Variants in COL4A4 observed in about 807,000 individuals in gnomAD.
COL4A4 encodes the protein collagen alpha-4(IV) chain.
A neutral mutation model predicts 192.9 loss-of-function variants in COL4A4; 105 were observed. That is an observed-to-expected ratio of 0.54 (90% confidence interval 0.46 to 0.64). The LOEUF is 0.64. Ranked by LOEUF, COL4A4 falls within the 30% of genes least tolerant of loss-of-function variation. The probability of loss-of-function intolerance (pLI) is 0.00; values close to 1 mark genes in which losing one functional copy is unlikely to be tolerated. For synonymous variants in COL4A4, 762 were observed against 769.9 expected, an observed-to-expected ratio of 0.99 and a Z score of 0.17; for missense variants, 1,967 against 2,169.3, an observed-to-expected ratio of 0.91 and a Z score of 1.85.
intron 44 of COL4A4, among the ~76,000 whole-genome samples, chr2:227,017,562 G>A (rs1458431927): frequency 6.6e-6 from 1 of 152,216 alleles, no homozygotes; most frequent in Non-Finnish European, 1.5e-5. Context: ...TGAGTTCACT[G>A]TAGGAAGCTT....
intron 15 of COL4A4, 47 bp downstream of exon 15, chr2:227,102,742 G>C (rs1481805654): frequency 4.0e-6 from 6 of 1,516,744 alleles, no homozygotes; most frequent in Non-Finnish European, 5.5e-6. Context: ...AAACATGAAA[G>C]AGAAATATCT....
chr2:227,068,498 A>G (rs944549668), intron 25 of COL4A4, among the ~76,000 whole-genome samples: 1 of 152,232 alleles, frequency 6.6e-6, no homozygotes, highest in Non-Finnish European at 1.5e-5. Flanking sequence ...ATCCAGCAGC[A>G]CATCAAAAAG....
chr2:227,006,544 T>C lies in COL4A4; in HGVS notation c.*781A>G, dbSNP rs554710206. On this transcript the variant is annotated 3_prime_UTR_variant, in exon 48 of 48. Transcript: ENST00000396625. ...TAGCTTTTAGGCTCCTAATCTCTTA[T>C]TGAATATTTTTTTTCCATAATTGCT... The C allele has an allele frequency of 8.6e-6, 1 of 116,554 alleles. No individual in the cohort carries two copies. Among genetic ancestry groups the C allele is most frequent in the Non-Finnish European group, 1.8e-5 (1 of 57,100 alleles). The allele number at this position is 116,554 out of a possible 1,614,324, so 7.2% of individuals were successfully genotyped here.
intron 6 of COL4A4, among the ~76,000 whole-genome samples, chr2:227,119,431 TTA>T (rs1425323255): frequency 2.0e-5 from 3 of 149,524 alleles, no homozygotes; most frequent in Non-Finnish European, 4.4e-5. Flanking sequence ...TTAACAGATA[TTA>T]TGATATATAA....
chr2:227,102,023 CAAAGCTAGCTG>C (rs1247567022), intron 15 of COL4A4, 114 bp from the exon 16 acceptor site: 75 of 707,938 alleles, frequency 1.1e-4, no homozygotes, highest in Middle Eastern at 9.7e-4. Flanking sequence ...GTCCTGTTTG[CAAAGCTAGCTG>C]AATAAAAGGA....
chr2:227,097,666 A>T (rs1014349793), intron 19 of COL4A4, among the ~76,000 whole-genome samples: 2 of 152,050 alleles, frequency 1.3e-5, no homozygotes, highest in Non-Finnish European at 2.9e-5. Context: ...CCAACGGAAT[A>T]CTCTATATTA....
At chr2:227,108,509 C>A (rs1382692692) in intron 12 of COL4A4, 72 bp downstream of exon 12, 1 of 1,447,110 alleles carries the variant, frequency 6.9e-7, no homozygotes, top group Non-Finnish European at 9.7e-7. Flanking sequence ...TTCAAATAAT[C>A]AGAACAGCCT....
intron 20 of COL4A4, 79 bp from the exon 21 acceptor site, chr2:227,090,036 C>A: frequency 9.3e-7 from 1 of 1,080,680 alleles, no homozygotes; most frequent in South Asian, 1.3e-5. Flanking sequence ...GTGACTTTTG[C>A]ACTCACATCC....
chr2:227,151,681 G>T (rs1158588986), intron 1 of COL4A4, among the ~76,000 whole-genome samples: 1 of 152,192 alleles, frequency 6.6e-6, no homozygotes. Flanking sequence ...CAATGTGTTG[G>T]TATTAAGAGG....
chr2:227,121,256 A>G, intron 4 of COL4A4, 108 bp from the exon 5 acceptor site: 1 of 1,253,112 alleles, frequency 8.0e-7, no homozygotes, highest in Non-Finnish European at 1.1e-6. Flanking sequence ...TTAGATTTGC[A>G]CAACTCTAAT....
At chr2:227,136,704 C>T (rs966065728) in intron 4 of COL4A4, among the ~76,000 whole-genome samples, 1 of 152,358 alleles carries the variant, frequency 6.6e-6, no homozygotes, top group East Asian at 1.9e-4. Context: ...TCAACGATTG[C>T]TTTAGACATA....
intron 20 of COL4A4, among the ~76,000 whole-genome samples, chr2:227,090,936 T>C (rs1390973126): frequency 1.4e-5 from 2 of 146,680 alleles, no homozygotes; most frequent in Non-Finnish European, 3.0e-5. Context: ...AAGAACCTGA[T>C]TTACCCCAGA....
intron 44 of COL4A4, among the ~76,000 whole-genome samples, chr2:227,014,985 G>A (rs188833607): frequency 4.5e-4 from 64 of 141,870 alleles, no homozygotes; most frequent in African/African-American, 1.6e-3. Context: ...TGCAACCTCC[G>A]CCTCTCAGGT....
intron 10 of COL4A4, 30 bp from the exon 11 acceptor site, chr2:227,108,898 AATC>A: frequency 6.2e-7 from 1 of 1,606,360 alleles, no homozygotes; most frequent in Non-Finnish European, 8.5e-7. Flanking sequence ...AACACAAATC[AATC>A]ATCAGACATA....
At chr2:227,016,653 C>T (rs1390888431) in intron 44 of COL4A4, among the ~76,000 whole-genome samples, 1 of 152,140 alleles carries the variant, frequency 6.6e-6, no homozygotes, top group Admixed American at 6.6e-5. Context: ...TGTAAAGTCA[C>T]GTCCTCATAT....
intron 7 of COL4A4, among the ~76,000 whole-genome samples, chr2:227,115,333 C>T (rs566676456): frequency 3.4e-5 from 5 of 145,824 alleles, no homozygotes; most frequent in Non-Finnish European, 5.9e-5. Context: ...TGCAGTGGCG[C>T]GATCTCTGCT....
intron 1 of COL4A4, among the ~76,000 whole-genome samples, chr2:227,155,799 G>A (rs372946355): frequency 6.6e-4 from 100 of 152,264 alleles, no homozygotes; most frequent in African/African-American, 2.4e-3. Flanking sequence ...CTGAATAAAA[G>A]TAGAGCTTTG....
At position 227,080,326 on chromosome 2, in the gene COL4A4, T is replaced by C. The variant is rs546752017; in HGVS notation, c.1803+117A>G. The C allele has an allele frequency of 4.2e-6, 4 of 952,302 alleles. No homozygotes were observed. In the African/African-American group the frequency reaches 4.8e-5, roughly 11 times the overall value. The allele number at this position is 952,302 out of a possible 1,614,324, so 59.0% of individuals were successfully genotyped here. On this transcript the variant is annotated intron_variant, in intron 24 of 47. Coordinates refer to ENST00000396625, the MANE Select transcript of COL4A4 (RefSeq NM_000092.5). ...CAGGGTGCCAAAAGTGACTCTGATT[T>C]ATAGTATGTTGATATTTTACTGAAT... is the stretch of plus-strand genomic sequence containing the variant.
At chr2:227,068,921 C>A (rs1262998530) in intron 25 of COL4A4, among the ~76,000 whole-genome samples, 455 of 150,514 alleles carry the variant, frequency 3.0e-3, no homozygotes, top group African/African-American at 0.011. Flanking sequence ...AAGAGGAAGT[C>A]AAATTGTCCC....
Sources: allele counts gnomAD v4.1 joint callset (sites outside exome capture counted in the v4.1 genomes callset), GRCh38; gene constraint gnomAD v4.1.1; transcripts MANE v1.5; gene names NCBI Gene and HGNC (gene_info 2026-07-23, HGNC 2026-07-21).